FMNL2: variants seen among roughly 807,000 people sequenced by gnomAD.
FMNL2 encodes formin-like protein 2.
A neutral mutation model predicts 130.2 loss-of-function variants in FMNL2; 51 were observed. That is an observed-to-expected ratio of 0.39 (90% CI 0.31 to 0.49). The LOEUF is 0.49. Ranked by LOEUF, FMNL2 falls within the 20% of genes least tolerant of loss-of-function variation. The probability of loss-of-function intolerance (pLI) is 0.85; values close to 1 mark genes in which losing one functional copy is unlikely to be tolerated. For synonymous variants in FMNL2, 465 were observed against 467.1 expected (o/e 1.00, Z 0.06); for missense variants, 977 against 1,316.2 (o/e 0.74, Z 3.99).
At chr2:152,461,326 T>A (rs1353619169) in intron 1 of FMNL2, among the ~76,000 whole-genome samples, 1 of 151,172 alleles carries the variant, frequency 6.6e-6, no homozygotes, top group Non-Finnish European at 1.5e-5. Flanking sequence ...CAACATGTAA[T>A]CAATATAAAG....
chr2:152,636,176 C>T (rs781627521), intron 21 of FMNL2, among the ~76,000 whole-genome samples: 2 of 152,204 alleles, frequency 1.3e-5, no homozygotes. Context: ...GGCCACAGAA[C>T]CTCTTTATGC....
chr2:152,549,186 A>G, intron 4 of FMNL2, 89 bp downstream of exon 4: 1 of 823,578 alleles, frequency 1.2e-6, no homozygotes, highest in South Asian at 2.5e-5. Context: ...GAGCTTCCTT[A>G]TGGGCCATTA....
intron 6 of FMNL2, among the ~76,000 whole-genome samples, chr2:152,566,526 G>A (rs1192314557): frequency 6.6e-6 from 1 of 152,130 alleles, no homozygotes; most frequent in Non-Finnish European, 1.5e-5. Context: ...ATCAAGGATT[G>A]GAAAAAACAC....
At chr2:152,643,646 G>A in intron 25 of FMNL2, 1 of 1,467,148 alleles carries the variant, frequency 6.8e-7, no homozygotes, top group Non-Finnish European at 9.0e-7. Context: ...GTTATATTTT[G>A]TGTTGTTCTC....
At chr2:152,594,849 T>A (rs1697667217) in intron 9 of FMNL2, among the ~76,000 whole-genome samples, 1 of 152,192 alleles carries the variant, frequency 6.6e-6, no homozygotes, top group Non-Finnish European at 1.5e-5. Context: ...ATAGTCAGAC[T>A]CGGTTTTCAT....
chr2:152,515,862 G>A (rs1484990830), intron 1 of FMNL2, among the ~76,000 whole-genome samples: 1 of 152,102 alleles, frequency 6.6e-6, no homozygotes, highest in African/African-American at 2.4e-5. Context: ...CCTTGATTTC[G>A]ATTCTTCAGT....
chr2:152,451,683 G>A (rs1046161977), intron 1 of FMNL2, among the ~76,000 whole-genome samples: 2 of 152,076 alleles, frequency 1.3e-5, no homozygotes. Context: ...AGGTCAGCCC[G>A]CTTGCTCCGG....
At chr2:152,619,805 G>T in intron 15 of FMNL2, 87 bp downstream of exon 15, 1 of 1,528,972 alleles carries the variant, frequency 6.5e-7, no homozygotes, top group African/African-American at 1.4e-5. Context: ...CAAAGTCCAG[G>T]TCTCTTGCAA....
intron 1 of FMNL2, among the ~76,000 whole-genome samples, chr2:152,447,294 A>G (rs1688398775): frequency 6.6e-6 from 1 of 152,004 alleles, no homozygotes; most frequent in African/African-American, 2.4e-5. Context: ...ACAGAGATGA[A>G]GTCTCACTGT....
chr2:152,542,791 G>A lies in FMNL2; in HGVS notation c.254G>A (p.Gly85Asp). The A allele has an allele frequency of 6.2e-7, 1 of 1,614,014 alleles. No individual in the cohort carries two copies. The highest frequency in any genetic ancestry group is 8.5e-7 in the Non-Finnish European group (1 of 1,179,912). The change falls in exon 3 of 26, where the codon GGC (glycine) becomes GAC (aspartate). Residue 85 changes from glycine (G) to aspartate (D), a missense_variant. Transcript: ENST00000288670. ...PPHTYIQKLKGYLDPAVTRKK... is the reference protein window; with the variant it reads ...PPHTYIQKLKDYLDPAVTRKK... ...CATACATACATTCAAAAGCTCAAAGGCTATCTGGATCCAGCTGTAACCAGG... is the reference window on the plus strand; with the variant it reads ...CATACATACATTCAAAAGCTCAAAGACTATCTGGATCCAGCTGTAACCAGG...
At chr2:152,426,603 A>G (rs189252644) in intron 1 of FMNL2, among the ~76,000 whole-genome samples, 170 of 152,300 alleles carry the variant, frequency 1.1e-3, no homozygotes, top group Middle Eastern at 6.9e-3. Flanking sequence ...GTTCGACTTC[A>G]TTAGTCAGAG....
rs1313558324 is a variant in FMNL2, at chr2:152,412,444, TTTTATA to T, written c.117+76726_117+76731del. Among the ~76,000 whole-genome samples the T allele has an allele frequency of 1.5e-3, 156 of 103,328 alleles. 2 individuals are homozygous for T. The highest frequency in any genetic ancestry group is 5.1e-3 in the South Asian group (14 of 2,754). The allele number at this position is 103,328 out of a possible 152,430, so 67.8% of individuals were successfully genotyped here. On this transcript the variant is annotated intron_variant, in intron 1 of 25. Transcript: ENST00000288670. Reference sequence around the variant, plus strand: ...ATTTCCTCTTACTTTCTTCTGTATATTTTATATATATATATATATATATATATATAT... The same window carrying T: ...ATTTCCTCTTACTTTCTTCTGTATATTATATATATATATATATATATATAT...
intron 1 of FMNL2, among the ~76,000 whole-genome samples, chr2:152,491,313 G>T (rs1451005719): frequency 6.6e-6 from 1 of 152,148 alleles, no homozygotes; most frequent in African/African-American, 2.4e-5. Context: ...GGGTCAGGGG[G>T]CCAGGCAGGG....
At chr2:152,543,727 A>G (rs1384100071) in intron 3 of FMNL2, among the ~76,000 whole-genome samples, 3 of 112,052 alleles carry the variant, frequency 2.7e-5, no homozygotes, top group Admixed American at 1.1e-4. Context: ...CCACCCCCCG[A>G]CCAAAAAAAA....
chr2:152,340,591 T>G (rs1204779880), intron 1 of FMNL2, among the ~76,000 whole-genome samples: 2 of 152,262 alleles, frequency 1.3e-5, no homozygotes, highest in East Asian at 3.8e-4. Flanking sequence ...CTGAAAAGTT[T>G]GTTCTCCAAA....
At position 152,632,088 on chromosome 2, in the gene FMNL2, A is replaced by C. The variant is rs1473498724; in HGVS notation, c.2631A>C (p.Gln877His). ...ATGTGGTGAAAGAAAAATATCACCA[A>C]GTGTCCCTGTTTTATAATGAGCTTC... is the stretch of plus-strand genomic sequence containing the variant. ...ISNVVKEKYHQVSLFYNELHY... is the reference protein window; with the variant it reads ...ISNVVKEKYHHVSLFYNELHY... The change falls in exon 21 of 26, where the codon CAA becomes CAC. Residue 877 changes from glutamine (Q) to histidine (H), a missense_variant. Transcript: ENST00000288670. The C allele has an allele frequency of 6.2e-7, 1 of 1,613,408 alleles. No homozygotes were observed. Among genetic ancestry groups the C allele is most frequent in the Non-Finnish European group, 8.5e-7 (1 of 1,179,600 alleles).
intron 1 of FMNL2, among the ~76,000 whole-genome samples, chr2:152,350,403 G>A (rs1252658992): frequency 1.3e-5 from 2 of 152,192 alleles, no homozygotes; most frequent in African/African-American, 2.4e-5. Context: ...CTTATAGGTG[G>A]TTTTGTGTAG....
chr2:152,457,414 T>A (rs1198664741), intron 1 of FMNL2, among the ~76,000 whole-genome samples: 28 of 152,200 alleles, frequency 1.8e-4, no homozygotes, highest in Non-Finnish European at 4.4e-5. Flanking sequence ...GAGAGAAGTC[T>A]TTGAAGCTGA....
At chr2:152,356,125 G>C (rs527509661) in intron 1 of FMNL2, among the ~76,000 whole-genome samples, 1 of 152,218 alleles carries the variant, frequency 6.6e-6, no homozygotes, top group African/African-American at 2.4e-5. Flanking sequence ...TGTGGCTTTA[G>C]GTCATTTATT....
Sources: allele counts gnomAD v4.1 joint callset (sites outside exome capture counted in the v4.1 genomes callset), GRCh38; gene constraint gnomAD v4.1.1; transcripts MANE v1.5; gene names NCBI Gene and HGNC (gene_info 2026-07-23, HGNC 2026-07-21).